Variants in SPAG16 observed in about 807,000 individuals in gnomAD.
The protein encoded by SPAG16 is sperm associated antigen 16.
In SPAG16, 86 loss-of-function variants were observed where a neutral mutation model predicts 80.4. That is an observed-to-expected ratio of 1.07 (90% CI 0.90 to 1.28). The LOEUF (loss-of-function observed/expected upper bound fraction) is 1.28, where lower values mean the gene tolerates loss of function less well. Among genes scored for constraint, SPAG16 ranks in the 50% most tolerant of loss-of-function variants. The probability of loss-of-function intolerance (pLI) is 0.00; values close to 1 mark genes in which losing one functional copy is unlikely to be tolerated. For missense variants in SPAG16, 870 were observed against 765.3 expected (o/e 1.14, Z -1.61); for synonymous variants, 294 against 265.9 (o/e 1.11, Z -1.03).
intron 13 of SPAG16, among the ~76,000 whole-genome samples, chr2:214,071,028 A>T (rs2050765800): frequency 6.6e-6 from 1 of 152,148 alleles, no homozygotes; most frequent in Non-Finnish European, 1.5e-5. Flanking sequence ...GCATTATAAA[A>T]ATCGAGAAAA....
chr2:213,309,147 G>A (rs1239547468), intron 3 of SPAG16, among the ~76,000 whole-genome samples: 1 of 152,114 alleles, frequency 6.6e-6, no homozygotes, highest in East Asian at 1.9e-4. Context: ...GAGCATTTCA[G>A]ATTTTGGATT....
rs66638113 is a variant in SPAG16, at chr2:213,701,242, A to AAAAT, written c.1071-161220_1071-161217dup. Among the ~76,000 whole-genome samples the AAAAT allele has an allele frequency of 4.0e-3, 605 of 151,412 alleles. 1 individual carries two copies. Among genetic ancestry groups the AAAAT allele is most frequent in the Middle Eastern group, 6.8e-3 (2 of 294 alleles). The stretch of plus-strand genomic sequence containing the variant: ...GCGACAGAGAGAGATTCCATCTAAA[A>AAAAT]AAATAAATAAATAAATAAATAAATA... On this transcript the variant is annotated intron_variant, in intron 10 of 15. Coordinates refer to ENST00000331683, the MANE Select transcript of SPAG16 (RefSeq NM_024532.5).
chr2:213,461,701 G>A (rs1051805588), intron 9 of SPAG16, among the ~76,000 whole-genome samples: 1 of 152,172 alleles, frequency 6.6e-6, no homozygotes, highest in African/African-American at 2.4e-5. Flanking sequence ...ACTGACTTAA[G>A]TGAAAGTTAA....
At chr2:214,022,137 A>AT (rs1359945935) in intron 13 of SPAG16, among the ~76,000 whole-genome samples, 5 of 152,136 alleles carry the variant, frequency 3.3e-5, no homozygotes, top group South Asian at 4.1e-4. Context: ...CGAATGAGAC[A>AT]TTTTTTTCTC....
chr2:213,389,695 C>A (rs2125286774), intron 9 of SPAG16, among the ~76,000 whole-genome samples: 1 of 152,174 alleles, frequency 6.6e-6, no homozygotes. Flanking sequence ...TAGGGTATCA[C>A]TTCAGACTAA....
intron 10 of SPAG16, among the ~76,000 whole-genome samples, chr2:213,534,131 T>C (rs2076163114): frequency 6.6e-6 from 1 of 152,150 alleles, no homozygotes; most frequent in Non-Finnish European, 1.5e-5. Context: ...TTTAGCACAT[T>C]TAAAAAATAA....
chr2:214,141,720 G>T (rs992549586), intron 14 of SPAG16, among the ~76,000 whole-genome samples: 1 of 151,934 alleles, frequency 6.6e-6, no homozygotes, highest in East Asian at 1.9e-4. Flanking sequence ...TTATCCCACT[G>T]GTTCTAATAT....
At chr2:214,328,065 T>C (rs1405756541) in intron 15 of SPAG16, among the ~76,000 whole-genome samples, 3 of 152,338 alleles carry the variant, frequency 2.0e-5, no homozygotes, top group East Asian at 3.9e-4. Context: ...AAAGAGATGC[T>C]TTTTGTCTAG....
chr2:213,405,520 TAA>T (rs1443008656), intron 9 of SPAG16, among the ~76,000 whole-genome samples: 1 of 152,240 alleles, frequency 6.6e-6, no homozygotes, highest in Non-Finnish European at 1.5e-5. Flanking sequence ...AAATATACAA[TAA>T]ATTATCACAA....
At chr2:214,109,559 T>C (rs1007272560) in intron 14 of SPAG16, among the ~76,000 whole-genome samples, 1 of 152,228 alleles carries the variant, frequency 6.6e-6, no homozygotes, top group Non-Finnish European at 1.5e-5. Context: ...AGTATCATTC[T>C]TTTAGAAAGA....
chr2:213,408,128 A>C (rs917388061), intron 9 of SPAG16, among the ~76,000 whole-genome samples: 2 of 134,718 alleles, frequency 1.5e-5, no homozygotes, highest in Non-Finnish European at 3.3e-5. Context: ...AAAAAAAAAC[A>C]AAAAAACCAG....
chr2:213,825,905 G>C lies in SPAG16; in HGVS notation c.1071-36580G>C, dbSNP rs115773095. Among the ~76,000 whole-genome samples, 1,362 of 151,744 alleles carry C rather than the reference G, an allele frequency of 9.0e-3. 14 individuals are homozygous for C. The highest frequency in any genetic ancestry group is 0.012 in the Non-Finnish European group (846 of 67,792). ...AGTTCCTGGCTTTTCTTTGCTGGGA[G>C]AGTTTTTATTATGGCTTTGACCTCA... On this transcript the variant is annotated intron_variant, in intron 10 of 15. Transcript: ENST00000331683.
At position 213,832,462 on chromosome 2, in the gene SPAG16, A is replaced by G. The variant is rs75441715; in HGVS notation, c.1071-30023A>G. On this transcript the variant is annotated intron_variant, in intron 10 of 15. Coordinates refer to ENST00000331683, the MANE Select transcript of SPAG16 (RefSeq NM_024532.5). Reference sequence around the variant, plus strand: ...CTCTTTCTCCCCTGAAGCAAGTGACAAAAACCTGAATTCCTCCTTCTCACT... The same window carrying G: ...CTCTTTCTCCCCTGAAGCAAGTGACGAAAACCTGAATTCCTCCTTCTCACT... 5.5e-3 allele frequency among the ~76,000 whole-genome samples: 830 copies of G among 152,216 alleles called. 15 individuals are homozygous for G. Among genetic ancestry groups the G allele is most frequent in the East Asian group, 0.045 (232 of 5,168 alleles).
intron 12 of SPAG16, among the ~76,000 whole-genome samples, chr2:213,962,479 C>G (rs942187154): frequency 4.6e-5 from 7 of 152,102 alleles, no homozygotes; most frequent in African/African-American, 1.7e-4. Flanking sequence ...GCCACCGCGC[C>G]CAGCCAGAAC....
At chr2:213,881,672 A>T (rs1347651605) in intron 11 of SPAG16, among the ~76,000 whole-genome samples, 1 of 152,160 alleles carries the variant, frequency 6.6e-6, no homozygotes, top group East Asian at 1.9e-4. Context: ...AAACCATCAG[A>T]TCTCTTGTGA....
intron 15 of SPAG16, among the ~76,000 whole-genome samples, chr2:214,355,790 T>C (rs1175452872): frequency 1.3e-5 from 2 of 151,510 alleles, no homozygotes; most frequent in Non-Finnish European, 2.9e-5. Flanking sequence ...CCAACAACAA[T>C]AGACTGGATT....
chr2:214,023,465 C>G (rs2047985623), intron 13 of SPAG16, among the ~76,000 whole-genome samples: 1 of 151,226 alleles, frequency 6.6e-6, no homozygotes, highest in South Asian at 2.1e-4. Flanking sequence ...ATTTTCAGAA[C>G]TTACAGTCAT....
intron 4 of SPAG16, among the ~76,000 whole-genome samples, chr2:213,311,971 A>G (rs143682583): frequency 2.7e-3 from 416 of 151,674 alleles, no homozygotes; most frequent in Admixed American, 5.4e-3. Flanking sequence ...CCTCAAGCAG[A>G]AAATGCAATA....
At chr2:213,846,058 A>G (rs535425786) in intron 10 of SPAG16, among the ~76,000 whole-genome samples, 39 of 152,326 alleles carry the variant, frequency 2.6e-4, no homozygotes, top group African/African-American at 9.4e-4. Flanking sequence ...TATCAGTCAG[A>G]TAATTTGAGA....
Sources: gnomAD v4.1 joint callset for allele counts (sites outside exome capture counted in the v4.1 genomes callset) on GRCh38, gnomAD v4.1.1 for gene constraint, MANE v1.5 for transcripts, NCBI Gene and HGNC (gene_info 2026-07-23, HGNC 2026-07-21) for gene names.